The following CTNND2 variants were observed in gnomAD, a reference collection of about 807,000 sequenced individuals.
CTNND2 encodes the protein catenin delta 2, also known as catenin delta-2.
A neutral mutation model predicts 144.4 loss-of-function variants in CTNND2; 22 were observed. The ratio of observed to expected loss-of-function variants is 0.15; its 90% CI spans 0.11 to 0.22. CTNND2 has a LOEUF of 0.22. Among genes scored for constraint, CTNND2 ranks in the 10% least tolerant of loss-of-function variants. The pLI, the probability that CTNND2 is intolerant of heterozygous loss-of-function variation, is 1.00. For missense variants in CTNND2, 1,353 were observed against 1,618.8 expected (o/e 0.84, Z 2.82); for synonymous variants, 751 against 695.6 (o/e 1.08, Z -1.25).
chr5:11,013,457 G>A (rs935517746), intron 18 of CTNND2, among the ~76,000 whole-genome samples: 1 of 152,112 alleles, frequency 6.6e-6, no homozygotes, highest in Non-Finnish European at 1.5e-5. Flanking sequence ...GGGTGAGGGA[G>A]GATATTTCTT....
intron 1 of CTNND2, among the ~76,000 whole-genome samples, chr5:11,847,061 G>A (rs1404787693): frequency 2.1e-5 from 3 of 143,990 alleles, no homozygotes; most frequent in Admixed American, 7.2e-5. Flanking sequence ...ATATAACTAC[G>A]GTTTGATCTA....
chr5:11,296,287 C>T (rs1748985325), intron 9 of CTNND2, among the ~76,000 whole-genome samples: 1 of 151,932 alleles, frequency 6.6e-6, no homozygotes, highest in African/African-American at 2.4e-5. Context: ...AATGAGATAC[C>T]ATCTCACACC....
At chr5:11,766,795 T>C (rs576378039) in intron 1 of CTNND2, among the ~76,000 whole-genome samples, 14 of 152,238 alleles carry the variant, frequency 9.2e-5, no homozygotes, top group African/African-American at 2.6e-4. Context: ...CTATTTCTTA[T>C]CTCCTCTCCT....
intron 3 of CTNND2, among the ~76,000 whole-genome samples, chr5:11,553,027 G>A (rs1034126917): frequency 1.3e-5 from 2 of 152,164 alleles, no homozygotes; most frequent in African/African-American, 2.4e-5. Flanking sequence ...AGGAATAAGC[G>A]TGCATGATTT....
At chr5:11,007,844 G>A (rs914365859) in intron 18 of CTNND2, among the ~76,000 whole-genome samples, 9 of 152,240 alleles carry the variant, frequency 5.9e-5, no homozygotes, top group Admixed American at 1.3e-4. Flanking sequence ...GAACATCTCC[G>A]TAGCCTTTCT....
intron 17 of CTNND2, among the ~76,000 whole-genome samples, chr5:11,018,395 G>T (rs1741852377): frequency 6.6e-6 from 1 of 152,230 alleles, no homozygotes; most frequent in Non-Finnish European, 1.5e-5. Flanking sequence ...GTGTTCAAGT[G>T]AAAGAAAGGG....
At chr5:11,812,268 T>C (rs192905514) in intron 1 of CTNND2, among the ~76,000 whole-genome samples, 1 of 152,280 alleles carries the variant, frequency 6.6e-6, no homozygotes, top group Non-Finnish European at 1.5e-5. Context: ...CCAGCTCTAT[T>C]TTTAATCTTA....
chr5:11,884,684 GT>G (rs1736388311), intron 1 of CTNND2, among the ~76,000 whole-genome samples: 1 of 151,882 alleles, frequency 6.6e-6, no homozygotes, highest in Admixed American at 6.6e-5. Context: ...CTGGGTAGAA[GT>G]ATCAGTACTA....
intron 1 of CTNND2, among the ~76,000 whole-genome samples, chr5:11,849,361 G>C (rs555255003): frequency 1.3e-5 from 2 of 152,082 alleles, no homozygotes; most frequent in Non-Finnish European, 2.9e-5. Context: ...ATTTGGGTAG[G>C]GACACAGCCA....
At chr5:11,538,003 C>T (rs894461351) in intron 3 of CTNND2, among the ~76,000 whole-genome samples, 3 of 152,158 alleles carry the variant, frequency 2.0e-5, no homozygotes, top group Non-Finnish European at 4.4e-5. Flanking sequence ...GCTTGTATAG[C>T]CTTTGGTAGA....
intron 3 of CTNND2, among the ~76,000 whole-genome samples, chr5:11,558,358 GTGTGTGTGTGTGTGTGTGTGTGTGAC>G (rs1172695986): frequency 1.9e-5 from 2 of 102,696 alleles, no homozygotes; most frequent in South Asian, 3.7e-4. Context: ...GTGTGTGTGT[GTGTGTGTGTGTGTGTGTGTGTGTGAC>G]ACACAAGGTC....
intron 9 of CTNND2, among the ~76,000 whole-genome samples, chr5:11,255,919 G>A (rs1263256173): frequency 2.0e-5 from 3 of 152,016 alleles, no homozygotes; most frequent in Non-Finnish European, 2.9e-5. Context: ...GCACAACTCC[G>A]TCCCTGTGAG....
At chr5:11,779,332 T>A (rs1204354822) in intron 1 of CTNND2, among the ~76,000 whole-genome samples, 1 of 152,244 alleles carries the variant, frequency 6.6e-6, no homozygotes, top group Non-Finnish European at 1.5e-5. Context: ...AATAGCTGTC[T>A]TTCACACTTT....
intron 7 of CTNND2, among the ~76,000 whole-genome samples, chr5:11,373,480 G>A (rs979302618): frequency 2.6e-5 from 4 of 152,140 alleles, no homozygotes; most frequent in African/African-American, 9.7e-5. Context: ...TCCCTGCATT[G>A]CCACAATACC....
intron 2 of CTNND2, among the ~76,000 whole-genome samples, chr5:11,592,086 G>C (rs890956247): frequency 6.6e-6 from 1 of 150,886 alleles, no homozygotes; most frequent in African/African-American, 2.4e-5. Context: ...TTTCAGTTGA[G>C]GATTCTGGCT....
chr5:11,172,201 T>A (rs571059393), intron 11 of CTNND2, among the ~76,000 whole-genome samples: 33 of 152,256 alleles, frequency 2.2e-4, no homozygotes, highest in African/African-American at 6.5e-4. Flanking sequence ...GAATTTTTTT[T>A]AAAAAGTAGC....
intron 2 of CTNND2, among the ~76,000 whole-genome samples, chr5:11,717,415 A>C (rs924580883): frequency 6.6e-6 from 1 of 151,530 alleles, no homozygotes; most frequent in Non-Finnish European, 1.5e-5. Context: ...TTCTACTGCA[A>C]ATACAAAAAA....
intron 1 of CTNND2, among the ~76,000 whole-genome samples, chr5:11,825,625 C>G (rs10039788): frequency 6.6e-6 from 1 of 151,948 alleles, no homozygotes; most frequent in Admixed American, 6.5e-5. Context: ...AATAATCTAA[C>G]AATCCTGACC....
intron 1 of CTNND2, among the ~76,000 whole-genome samples, chr5:11,737,066 G>A (rs886284902): frequency 1.3e-5 from 2 of 152,038 alleles, no homozygotes; most frequent in Non-Finnish European, 2.9e-5. Flanking sequence ...TTACATCTAT[G>A]ACATATTCAA....
Sources: gnomAD v4.1 joint callset for allele counts (sites outside exome capture counted in the v4.1 genomes callset) on GRCh38, gnomAD v4.1.1 for gene constraint, MANE v1.5 for transcripts, NCBI Gene and HGNC (gene_info 2026-07-23, HGNC 2026-07-21) for gene names.